DYNC1H1: variants seen among roughly 807,000 people sequenced by gnomAD.
The protein encoded by DYNC1H1 is cytoplasmic dynein 1 heavy chain 1.
Under a neutral mutation model 527.1 loss-of-function variants are expected in DYNC1H1, and 51 were observed. The observed-to-expected ratio is 0.10, with a 90% CI of 0.08 to 0.12. The LOEUF is 0.12. DYNC1H1 is among the 10% of genes least tolerant of loss of function. The pLI is 1.00. For synonymous variants in DYNC1H1, 2,189 were observed against 2,278.8 expected, an observed-to-expected ratio of 0.96 and a Z score of 1.12; for missense variants, 2,771 against 5,971.8, an observed-to-expected ratio of 0.46 and a Z score of 17.66.
chr14:102,012,871 A>G lies in DYNC1H1; in HGVS notation c.7014+401A>G, dbSNP rs536410218. 4 of 334,298 alleles carry G rather than the reference A, an allele frequency of 1.2e-5. No individual in the cohort carries two copies. The highest frequency in any genetic ancestry group is 1.0e-4 in the South Asian group (4 of 39,074). 20.7% of individuals were successfully genotyped at this position (334,298 alleles called of 1,614,324 possible). A position where few individuals can be genotyped will look rare whatever the true frequency, so the allele number is the denominator to read the frequency against. Reference sequence around the variant, plus strand: ...ATGATGCAGGTGCCTGACAACACCTACTGATCAGTAAACACAGTCAGGCCC... The same window carrying G: ...ATGATGCAGGTGCCTGACAACACCTGCTGATCAGTAAACACAGTCAGGCCC... On this transcript the variant is annotated intron_variant, in intron 34 of 77. Coordinates refer to ENST00000360184, the MANE Select transcript of DYNC1H1 (RefSeq NM_001376.5). The surrounding 1 kb of genome is among the most constrained non-coding windows in gnomAD (Gnocchi z 4.9).
chr14:102,051,092 CG>C lies in DYNC1H1; in HGVS notation c.*530del, dbSNP rs1413024701. The C allele has an allele frequency of 1.9e-5, 4 of 211,776 alleles. No individual in the cohort carries two copies. Among genetic ancestry groups the C allele is most frequent in the Admixed American group, 1.6e-4 (3 of 18,932 alleles). 13.1% of individuals were successfully genotyped at this position (211,776 alleles called of 1,614,324 possible). ...CAGCCTCGGCAACATAGTGAGACCC[CG>C]TCTCTACAGGAAATTAAATCAGGTG... On this transcript the variant is annotated 3_prime_UTR_variant, in exon 78 of 78. Transcript: ENST00000360184.
Position 101,986,103 on chromosome 14 carries a change from G to A in DYNC1H1, c.1878G>A (p.Gln626=), listed in dbSNP as rs758946754. Residue 626 remains glutamine (Q), a synonymous_variant, in exon 8 of 78, where the codon CAG becomes CAA. Transcript: ENST00000360184. This position sits in a 1 kb window ranked among gnomAD's most constrained non-coding sequence, Gnocchi z 8.7. ...IESLHDKFKV[Q]YPQSQACKMS... Reference sequence around the variant, plus strand: ...CTCTTCACGACAAGTTCAAGGTCCAGTACCCACAGAGTCAGGCTTGTAAGA... The same window carrying A: ...CTCTTCACGACAAGTTCAAGGTCCAATACCCACAGAGTCAGGCTTGTAAGA... 10 of 1,614,114 alleles carry A rather than the reference G, an allele frequency of 6.2e-6. No individual in the cohort carries two copies. In the Admixed American group the frequency reaches 6.7e-5, roughly 11 times the overall value.
In DYNC1H1 at chr14:102,050,423, C is replaced by T. The variant is rs759037347; in HGVS notation, c.13813-12C>T. 5.0e-6 allele frequency: 8 copies of T among 1,614,214 alleles called. No homozygotes were observed. The Admixed American group carries it at 1.2e-4, about 24-fold the overall frequency. ...TCCCTTAAGCCACCAGTAAACCCCT[C>T]TGCTTCTGCAGGTAACCTTACCTGT... On this transcript the variant is annotated splice_polypyrimidine_tract_variant and intron_variant, in intron 77 of 77. Transcript: ENST00000360184.
chr14:102,048,967 T>C, intron 74 of DYNC1H1: 1 of 469,160 alleles, frequency 2.1e-6, no homozygotes, highest in South Asian at 2.0e-5. Flanking sequence ...TGGTCCAGGA[T>C]GGTGACAGAC....
Position 102,027,149 on chromosome 14 carries a change from T to C in DYNC1H1, c.8772-25T>C, listed in dbSNP as rs766479347. ...GAATGAGGCATTATAAGCCTTAACA[T>C]TGATCAGTTCTCGTAATGTTTCAGA... is the stretch of plus-strand genomic sequence containing the variant. On this transcript the variant is annotated intron_variant, in intron 44 of 77. Transcript: ENST00000360184. This position sits in a 1 kb window ranked among gnomAD's most constrained non-coding sequence, Gnocchi z 7.7. 34 of 1,608,668 alleles carry C rather than the reference T, an allele frequency of 2.1e-5. No homozygotes were observed. Among genetic ancestry groups the C allele is most frequent in the Middle Eastern group, 3.3e-4 (2 of 6,070 alleles).
chr14:101,982,995 T>G (rs1203268632), intron 5 of DYNC1H1, 24 bp from the exon 6 acceptor site: 2 of 1,605,294 alleles, frequency 1.2e-6, no homozygotes, highest in African/African-American at 2.9e-5. Context: ...GTGAAAACCA[T>G]TAACTCTTTC....
At position 102,026,456 on chromosome 14, in the gene DYNC1H1, A is replaced by T; in HGVS notation, c.8638-118A>T. On this transcript the variant is annotated intron_variant, in intron 43 of 77. Coordinates refer to ENST00000360184, the MANE Select transcript of DYNC1H1 (RefSeq NM_001376.5). Reference sequence around the variant, plus strand: ...ATATTTTTTTGCTATGTTATAAATGATACCTTTTTTGTTGCATTTTTAACA... The same window carrying T: ...ATATTTTTTTGCTATGTTATAAATGTTACCTTTTTTGTTGCATTTTTAACA... 3 of 1,129,660 alleles carry T rather than the reference A, an allele frequency of 2.7e-6. No individual in the cohort carries two copies. The South Asian group carries it at 4.2e-5, about 16-fold the overall frequency. The allele number at this position is 1,129,660 out of a possible 1,614,324, so 70.0% of individuals were successfully genotyped here.
intron 52 of DYNC1H1, 113 bp downstream of exon 52, chr14:102,032,580 A>T: frequency 7.4e-7 from 1 of 1,359,286 alleles, no homozygotes; most frequent in East Asian, 2.4e-5. Flanking sequence ...GGCCAGGCAC[A>T]GTGGCTCACG....
Position 102,033,816 on chromosome 14 carries a change from A to G in DYNC1H1, c.10414-160A>G, listed in dbSNP as rs10149958. ...TGAGTCGTGTGTGGTCATTAGTTAT[A>G]TATGATCTGGGTCTCATCTCCTCTG... On this transcript the variant is annotated intron_variant, in intron 54 of 77. Coordinates refer to ENST00000360184, the MANE Select transcript of DYNC1H1 (RefSeq NM_001376.5). This position sits in a 1 kb window ranked among gnomAD's most constrained non-coding sequence, Gnocchi z 5.6. 0.088 allele frequency: 68,866 copies of G among 780,862 alleles called. 5,086 individuals are homozygous for G. Among genetic ancestry groups the G allele is most frequent in the African/African-American group, 0.32 (18,775 of 58,196 alleles). 48.4% of individuals were successfully genotyped at this position (780,862 alleles called of 1,614,324 possible).
Position 102,041,677 on chromosome 14 carries a change from G to T in DYNC1H1, c.12045G>T (p.Glu4015Asp), listed in dbSNP as rs1203128797. The T allele has an allele frequency of 1.9e-6, 3 of 1,614,194 alleles. No individual in the cohort carries two copies. The Admixed American group carries it at 5.0e-5, about 27-fold the overall frequency. ...AHMFVSTNLG[E>D]SFMSIMEQPL... ...TGTTTGTTTCAACAAACCTTGGGGAGTCTTTCATGTCCATCATGGAGCAGC... is the reference window on the plus strand; with the variant it reads ...TGTTTGTTTCAACAAACCTTGGGGATTCTTTCATGTCCATCATGGAGCAGC... Residue 4015 changes from glutamate (E) to aspartate (D), a missense_variant, in exon 65 of 78, where the codon GAG becomes GAT. This residue lies in a region of DYNC1H1 where 120 missense variants were observed against 161.9 expected (regional missense o/e 0.74). Transcript: ENST00000360184. This position sits in a 1 kb window ranked among gnomAD's most constrained non-coding sequence, Gnocchi z 4.5.
At chr14:102,028,185 C>T (rs1374116368) in intron 48 of DYNC1H1, 44 bp downstream of exon 48, 4 of 1,603,806 alleles carry the variant, frequency 2.5e-6, no homozygotes, top group East Asian at 2.2e-5. Context: ...CAAAACTAAC[C>T]ATCATGCTAA....
intron 28 of DYNC1H1, 32 bp from the exon 29 acceptor site, chr14:102,008,146 G>C (rs1200854136): frequency 6.2e-7 from 1 of 1,612,474 alleles, no homozygotes; most frequent in Non-Finnish European, 8.5e-7. Flanking sequence ...CACAGCAGGT[G>C]GTTTTAGCGC....
chr14:101,974,438 A>G (rs955557604), intron 1 of DYNC1H1, among the ~76,000 whole-genome samples: 2 of 152,178 alleles, frequency 1.3e-5, no homozygotes, highest in Admixed American at 6.5e-5. Context: ...AAGGTGAACT[A>G]TGTATAAAAT....
In DYNC1H1 at chr14:102,005,294, C is replaced by T. The variant is rs2048184678; in HGVS notation, c.5433+58C>T. ...TTAGACTCTTACACCCTCAACCACA[C>T]AGTTAAATGGAAATCATGCTTGAAA... is the stretch of plus-strand genomic sequence containing the variant. On this transcript the variant is annotated intron_variant, in intron 26 of 77. Transcript: ENST00000360184. This position sits in a 1 kb window ranked among gnomAD's most constrained non-coding sequence, Gnocchi z 4.0. The T allele has an allele frequency of 1.3e-6, 2 of 1,599,844 alleles. No individual in the cohort carries two copies. Among genetic ancestry groups the T allele is most frequent in the Non-Finnish European group, 1.7e-6 (2 of 1,168,264 alleles).
At position 102,016,123 on chromosome 14, in the gene DYNC1H1, T is replaced by C. The variant is rs2048319106; in HGVS notation, c.7473+37T>C. 2.5e-6 allele frequency: 4 copies of C among 1,570,580 alleles called. No individual in the cohort carries two copies. Among genetic ancestry groups the C allele is most frequent in the Non-Finnish European group, 3.5e-6 (4 of 1,158,252 alleles). ...TCAGGGGCTTCACAGAGCTCACCAC[T>C]GCGCCAGACCACAGGTCTGAGGACC... is the stretch of plus-strand genomic sequence containing the variant. On this transcript the variant is annotated intron_variant, in intron 36 of 77. Coordinates refer to ENST00000360184, the MANE Select transcript of DYNC1H1 (RefSeq NM_001376.5). The surrounding 1 kb of genome is among the most constrained non-coding windows in gnomAD (Gnocchi z 7.3).
rs140141126 is a variant in DYNC1H1 at position 101,991,533 on chromosome 14, G to A, written c.2875G>A (p.Val959Ile). The A allele has an allele frequency of 3.8e-5, 62 of 1,614,136 alleles. No individual in the cohort carries two copies. In the Middle Eastern group the frequency reaches 9.9e-4, roughly 26 times the overall value. The change falls in exon 11 of 78, where the codon GTT (valine) becomes ATT (isoleucine). Residue 959 changes from valine to isoleucine, a missense_variant. Val to Ile is a conservative substitution (Grantham distance 29). This residue lies in a region of DYNC1H1 where 179 missense variants were observed against 349.4 expected (regional missense o/e 0.51). Transcript: ENST00000360184. Reference sequence around the variant, plus strand: ...TGAAACCTTTCTTTCACAGAATGTCGTTCATGAGCTAAGAATAACCAATCA... The same window carrying A: ...TGAAACCTTTCTTTCACAGAATGTCATTCATGAGCTAAGAATAACCAATCA... ...PGGEPKIKNV[V>I]HELRITNQVI...
intron 51 of DYNC1H1, 109 bp from the exon 52 acceptor site, chr14:102,032,163 C>G: frequency 7.5e-7 from 1 of 1,333,442 alleles, no homozygotes; most frequent in East Asian, 2.3e-5. Flanking sequence ...AGCTAGCTGT[C>G]CTTTCTCTCA....
chr14:102,046,495 G>A (rs1206521330), intron 72 of DYNC1H1, among the ~76,000 whole-genome samples: 3 of 134,098 alleles, frequency 2.2e-5, no homozygotes, highest in Admixed American at 7.4e-5. Flanking sequence ...AAAGCCAGGC[G>A]AGCTGGGCGG....
Position 102,009,791 on chromosome 14 carries a change from TTG to T in DYNC1H1, c.5978-50_5978-49del. The T allele has an allele frequency of 7.4e-6, 12 of 1,613,022 alleles. 2 individuals carry two copies. The East Asian group carries it at 8.9e-5, about 12-fold the overall frequency. On this transcript the variant is annotated intron_variant, in intron 29 of 77. Transcript: ENST00000360184. ...TTTTAGAGACATTTTAGAATGCATT[TTG>T]TTTTTTTTTTTTAACATTTCTAGTC...
Sources: allele counts gnomAD v4.1 joint callset (sites outside exome capture counted in the v4.1 genomes callset), GRCh38; gene constraint gnomAD v4.1.1; regional missense constraint gnomAD v4.1.1; non-coding constraint Gnocchi (gnomAD v3.1); transcripts MANE v1.5; gene names NCBI Gene and HGNC (gene_info 2026-07-23, HGNC 2026-07-21).